Variants in SNTG1 observed in about 807,000 individuals in gnomAD.
The protein encoded by SNTG1 is gamma-1-syntrophin.
In SNTG1, 39 loss-of-function variants were observed where a neutral mutation model predicts 74.7. The ratio of observed to expected loss-of-function variants is 0.52; its 90% confidence interval spans 0.40 to 0.68. The LOEUF is 0.68. Among genes scored for constraint, SNTG1 ranks in the 30% least tolerant of loss-of-function variants. SNTG1 has a pLI of 0.00. For synonymous variants in SNTG1, 254 were observed against 217.1 expected, an observed-to-expected ratio of 1.17 and a Z score of -1.49; for missense variants, 685 against 609.5, an observed-to-expected ratio of 1.12 and a Z score of -1.30.
At chr8:50,065,147 G>A (rs1047574710) in intron 1 of SNTG1, among the ~76,000 whole-genome samples, 3 of 152,138 alleles carry the variant, frequency 2.0e-5, no homozygotes, top group East Asian at 1.9e-4. Context: ...AATATCATGA[G>A]TCAATAAAAT....
chr8:49,932,387 A>G (rs1307236763), intron 1 of SNTG1, among the ~76,000 whole-genome samples: 2 of 152,076 alleles, frequency 1.3e-5, no homozygotes, highest in African/African-American at 4.8e-5. Context: ...AATTGAAAGA[A>G]CCCACAAAGT....
chr8:50,750,807 G>C (rs193161405), intron 17 of SNTG1, among the ~76,000 whole-genome samples: 1 of 151,766 alleles, frequency 6.6e-6, no homozygotes, highest in Non-Finnish European at 1.5e-5. Flanking sequence ...TATATGCATT[G>C]GGGAACCAAA....
At chr8:50,614,646 A>T (rs1238935225) in intron 13 of SNTG1, among the ~76,000 whole-genome samples, 1 of 152,128 alleles carries the variant, frequency 6.6e-6, no homozygotes, top group Non-Finnish European at 1.5e-5. Context: ...GCATGAGTAA[A>T]TTTTAATTAT....
intron 1 of SNTG1, among the ~76,000 whole-genome samples, chr8:50,135,071 A>C (rs1475086259): frequency 6.6e-6 from 1 of 152,160 alleles, no homozygotes; most frequent in Non-Finnish European, 1.5e-5. Flanking sequence ...CATCTCTGTG[A>C]GACTCAGATT....
intron 2 of SNTG1, among the ~76,000 whole-genome samples, chr8:50,389,735 T>C (rs924066654): frequency 3.2e-4 from 48 of 152,310 alleles, no homozygotes; most frequent in African/African-American, 1.1e-3. Context: ...CCACATCCTC[T>C]CCAGCACCTG....
chr8:50,214,556 A>T (rs1416329749), intron 2 of SNTG1, among the ~76,000 whole-genome samples: 1 of 152,028 alleles, frequency 6.6e-6, no homozygotes, highest in African/African-American at 2.4e-5. Context: ...AAGTGTTTGA[A>T]TTTTCTATGT....
chr8:50,384,891 G>A (rs1044035472), intron 2 of SNTG1, among the ~76,000 whole-genome samples: 1 of 152,110 alleles, frequency 6.6e-6, no homozygotes, highest in African/African-American at 2.4e-5. Flanking sequence ...TTTATGGCTT[G>A]GTCTATTGGA....
At chr8:50,771,015 CT>C (rs1384310495) in intron 18 of SNTG1, among the ~76,000 whole-genome samples, 7 of 152,214 alleles carry the variant, frequency 4.6e-5, no homozygotes, top group Non-Finnish European at 1.0e-4. Flanking sequence ...ATTATCCAGT[CT>C]CAAGTATGCT....
intron 9 of SNTG1, among the ~76,000 whole-genome samples, chr8:50,517,465 T>C (rs2094142958): frequency 1.3e-5 from 2 of 152,076 alleles, no homozygotes; most frequent in Non-Finnish European, 2.9e-5. Flanking sequence ...GTAAATGGGC[T>C]AAATGCCCCA....
intron 12 of SNTG1, among the ~76,000 whole-genome samples, chr8:50,572,306 T>A (rs531346550): frequency 6.6e-6 from 1 of 151,566 alleles, no homozygotes; most frequent in East Asian, 1.9e-4. Context: ...TCATTTCTGA[T>A]GTTTGGTGAA....
At chr8:50,658,456 G>A in intron 14 of SNTG1, 136 bp from the exon 15 acceptor site, 1 of 549,828 alleles carries the variant, frequency 1.8e-6, no homozygotes. Flanking sequence ...GGTCCTTTAT[G>A]AGCATGGCTT....
chr8:50,610,791 C>T (rs983067794), intron 13 of SNTG1, among the ~76,000 whole-genome samples: 66 of 152,216 alleles, frequency 4.3e-4, no homozygotes, highest in African/African-American at 1.5e-3. Flanking sequence ...TCCTACTGTT[C>T]TTACCCAAAG....
Position 50,628,319 on chromosome 8 carries a change from A to G in SNTG1, c.850-28590A>G, listed in dbSNP as rs149154686. 5.0e-3 allele frequency among the ~76,000 whole-genome samples: 754 copies of G among 152,180 alleles called. 6 individuals carry two copies. Among genetic ancestry groups the G allele is most frequent in the African/African-American group, 0.017 (704 of 41,520 alleles). The stretch of plus-strand genomic sequence containing the variant: ...TTAAGCCTCGGAATTGATTTTTCCA[A>G]TTTCACTATTCTTGAAACAAGATGT... On this transcript the variant is annotated intron_variant, in intron 13 of 18. Transcript: ENST00000642720.
chr8:50,646,090 T>G (rs987803742), intron 13 of SNTG1, among the ~76,000 whole-genome samples: 1 of 152,338 alleles, frequency 6.6e-6, no homozygotes, highest in Admixed American at 6.5e-5. Flanking sequence ...GTCCAATATG[T>G]CGTATTTGGA....
chr8:50,518,856 G>T (rs2094155819), intron 9 of SNTG1, among the ~76,000 whole-genome samples: 1 of 152,120 alleles, frequency 6.6e-6, no homozygotes, highest in African/African-American at 2.4e-5. Flanking sequence ...TGGGTTCACA[G>T]CCAAATTCTA....
chr8:50,045,979 A>G (rs1386274275), intron 1 of SNTG1, among the ~76,000 whole-genome samples: 1 of 152,220 alleles, frequency 6.6e-6, no homozygotes, highest in Non-Finnish European at 1.5e-5. Context: ...AGTAGAGTTC[A>G]GGCTTTGAAG....
At chr8:50,266,789 T>C (rs1322023532) in intron 2 of SNTG1, among the ~76,000 whole-genome samples, 1 of 151,390 alleles carries the variant, frequency 6.6e-6, no homozygotes, top group Non-Finnish European at 1.5e-5. Context: ...GTAGAAATCA[T>C]TGTGTGATTC....
chr8:50,438,395 G>T, intron 4 of SNTG1, 148 bp from the exon 5 acceptor site: 1 of 591,794 alleles, frequency 1.7e-6, no homozygotes. Flanking sequence ...ATTACAAGAT[G>T]TGGAGGCACT....
intron 18 of SNTG1, among the ~76,000 whole-genome samples, chr8:50,779,110 G>A (rs927003721): frequency 1.1e-4 from 17 of 152,258 alleles, no homozygotes; most frequent in Non-Finnish European, 2.1e-4. Context: ...CTGTAGCCTT[G>A]TAGTATAGTT....
Sources: allele counts gnomAD v4.1 joint callset (sites outside exome capture counted in the v4.1 genomes callset), GRCh38; gene constraint gnomAD v4.1.1; transcripts MANE v1.5; gene names NCBI Gene and HGNC (gene_info 2026-07-23, HGNC 2026-07-21).